The following TTLL9 variants were observed in gnomAD, a reference collection of about 807,000 sequenced individuals.
TTLL9 encodes the protein tubulin tyrosine ligase like 9, also known as probable tubulin polyglutamylase TTLL9.
TTLL9 carries 47 observed loss-of-function variants against 65.6 expected under a neutral mutation model. The ratio of observed to expected loss-of-function variants is 0.72; its 90% CI spans 0.57 to 0.91. The LOEUF (loss-of-function observed/expected upper bound fraction) is 0.91, where lower values mean the gene tolerates loss of function less well. TTLL9 is among the 40% of genes least tolerant of loss of function. TTLL9 has a pLI of 0.00. For synonymous variants in TTLL9, 179 were observed against 204.8 expected (o/e 0.87, Z 1.07); for missense variants, 537 against 568.8 (o/e 0.94, Z 0.57).
chr20:31,941,439 T>C (rs990487198), intron 14 of TTLL9, among the ~76,000 whole-genome samples: 34 of 152,178 alleles, frequency 2.2e-4, no homozygotes, highest in Admixed American at 6.5e-4. Flanking sequence ...TGGAATCACC[T>C]GGGAGCTTTA....
chr20:31,906,921 A>T (rs182846334), intron 4 of TTLL9, among the ~76,000 whole-genome samples: 1 of 152,320 alleles, frequency 6.6e-6, no homozygotes, highest in Admixed American at 6.5e-5. Flanking sequence ...AAATACTGGG[A>T]TTACAGGTGT....
chr20:31,888,701 A>C (rs1434818952), intron 3 of TTLL9, among the ~76,000 whole-genome samples: 1 of 152,118 alleles, frequency 6.6e-6, no homozygotes, highest in African/African-American at 2.4e-5. Context: ...CAGGCTGTAC[A>C]AGCATGGCAC....
chr20:31,925,406 C>T (rs2123580524), intron 9 of TTLL9, among the ~76,000 whole-genome samples: 1 of 152,308 alleles, frequency 6.6e-6, no homozygotes, highest in South Asian at 2.1e-4. Flanking sequence ...TTATTATTCT[C>T]CCTTTACAAT....
At chr20:31,942,885 A>G in intron 14 of TTLL9, 60 bp from the exon 15 acceptor site, 1 of 1,534,778 alleles carries the variant, frequency 6.5e-7, no homozygotes, top group Non-Finnish European at 9.0e-7. Context: ...GTTGGGGCAC[A>G]GGCCCCTCCA....
chr20:31,890,286 G>A (rs2063290107), intron 3 of TTLL9, among the ~76,000 whole-genome samples: 1 of 150,578 alleles, frequency 6.6e-6, no homozygotes, highest in Non-Finnish European at 1.5e-5. Context: ...GACTAGAATT[G>A]TGTCACATGG....
chr20:31,924,858 T>C, intron 8 of TTLL9, 151 bp from the exon 9 acceptor site: 2 of 830,140 alleles, frequency 2.4e-6, no homozygotes, highest in Non-Finnish European at 4.0e-6. Context: ...ATCACAGGCA[T>C]GAGGCACCGC....
chr20:31,907,275 C>T (rs892964929), intron 4 of TTLL9, among the ~76,000 whole-genome samples: 17 of 152,278 alleles, frequency 1.1e-4, no homozygotes, highest in African/African-American at 4.1e-4. Flanking sequence ...CTTCAGGTTG[C>T]ACTGAGGATC....
chr20:31,939,215 G>C lies in TTLL9; in HGVS notation c.1192G>C (p.Gly398Arg), dbSNP rs777592219. Residue 398 changes from glycine to arginine, a missense_variant, in exon 14 of 15, where the codon GGG (glycine) becomes CGG (arginine). By Grantham distance (125) the Gly-to-Arg change is moderately radical (BLOSUM62 -2). Coordinates refer to ENST00000535842, the MANE Select transcript of TTLL9 (RefSeq NM_001008409.5). ...TGATGGCCCTGTTAGCAGAGAGGAGGGGGCTCCTGACCTGTCGGGAATGGG... is the reference window on the plus strand; with the variant it reads ...TGATGGCCCTGTTAGCAGAGAGGAGCGGGCTCCTGACCTGTCGGGAATGGG... Reference protein sequence around the residue: ...WNDGPVSREEGAPDLSGMGNF... With the variant: ...WNDGPVSREERAPDLSGMGNF... 1 of 1,613,352 alleles carries C rather than the reference G, an allele frequency of 6.2e-7. No individual in the cohort carries two copies. Among genetic ancestry groups the C allele is most frequent in the Non-Finnish European group, 8.5e-7 (1 of 1,179,694 alleles).
intron 2 of TTLL9, among the ~76,000 whole-genome samples, chr20:31,881,495 T>G (rs2063117549): frequency 1.3e-5 from 2 of 152,204 alleles, no homozygotes; most frequent in Admixed American, 1.3e-4. Flanking sequence ...AAATATGTCT[T>G]GAATTTATTT....
At chr20:31,919,189 T>G (rs549310148) in intron 6 of TTLL9, among the ~76,000 whole-genome samples, 6 of 152,256 alleles carry the variant, frequency 3.9e-5, no homozygotes, top group African/African-American at 1.4e-4. Flanking sequence ...TCAACACAGG[T>G]TAGGCTGTGA....
At position 31,887,246 on chromosome 20, in the gene TTLL9, G is replaced by T. The variant is rs2063205066; in HGVS notation, c.113+7G>T. ...TGTCAAAGGGAAAAGAGCGGTGAGT[G>T]GTCCCATCCAATCCAACAATCACAG... On this transcript the variant is annotated splice_region_variant and intron_variant, in intron 3 of 14. Coordinates refer to ENST00000535842, the MANE Select transcript of TTLL9 (RefSeq NM_001008409.5). The T allele has an allele frequency of 1.2e-6, 2 of 1,614,094 alleles. No homozygotes were observed. Among genetic ancestry groups the T allele is most frequent in the Non-Finnish European group, 1.7e-6 (2 of 1,180,004 alleles).
chr20:31,897,246 A>G (rs2063400542), intron 3 of TTLL9, among the ~76,000 whole-genome samples: 1 of 152,154 alleles, frequency 6.6e-6, no homozygotes, highest in Non-Finnish European at 1.5e-5. Flanking sequence ...ATATTGGATG[A>G]GTTGTAGTAA....
chr20:31,942,036 G>A (rs987024043), intron 14 of TTLL9, among the ~76,000 whole-genome samples: 1 of 152,118 alleles, frequency 6.6e-6, no homozygotes, highest in Non-Finnish European at 1.5e-5. Flanking sequence ...GTTTAAGTTA[G>A]GGCTGCATGG....
intron 6 of TTLL9, among the ~76,000 whole-genome samples, chr20:31,914,734 G>A (rs910550012): frequency 1.3e-5 from 2 of 152,170 alleles, no homozygotes; most frequent in Admixed American, 6.5e-5. Context: ...GTTCATCAAG[G>A]CCCCTGGGAG....
At chr20:31,883,851 G>A (rs1488272312) in intron 2 of TTLL9, among the ~76,000 whole-genome samples, 2 of 152,112 alleles carry the variant, frequency 1.3e-5, no homozygotes, top group Admixed American at 6.5e-5. Context: ...AGCTGAAATA[G>A]AGAATGCATT....
At chr20:31,895,565 C>G (rs2063371967) in intron 3 of TTLL9, among the ~76,000 whole-genome samples, 2 of 152,176 alleles carry the variant, frequency 1.3e-5, no homozygotes, top group Admixed American at 1.3e-4. Flanking sequence ...GAGATGGAGT[C>G]TCACTCTGTA....
At chr20:31,881,554 A>G (rs57703077) in intron 2 of TTLL9, among the ~76,000 whole-genome samples, 2,578 of 151,466 alleles carry the variant, frequency 0.017, 65 homozygotes, top group African/African-American at 0.059. Flanking sequence ...AAACTCTCAA[A>G]TTTTAAAAAT....
chr20:31,934,706 G>T lies in TTLL9; in HGVS notation c.822G>T (p.Thr274=). 6.2e-7 allele frequency: 1 copy of T among 1,611,082 alleles called. No individual in the cohort carries two copies. The highest frequency in any genetic ancestry group is 1.1e-5 in the South Asian group (1 of 90,882). Residue 274 remains threonine (T), a synonymous_variant, in exon 12 of 15, where the codon ACG becomes ACT. Coordinates refer to ENST00000535842, the MANE Select transcript of TTLL9 (RefSeq NM_001008409.5). The part of the protein sequence containing the change: ...DYHPKKGCKW[T]LQRFRQYLAS... Reference sequence around the variant, plus strand: ...CCGGGGCCCAGGGCTGCAAGTGGACGCTGCAGCGCTTCCGGCAGTACCTGG... The same window carrying T: ...CCGGGGCCCAGGGCTGCAAGTGGACTCTGCAGCGCTTCCGGCAGTACCTGG...
chr20:31,881,602 CTTTTTTTTTT>C (rs5841092), intron 2 of TTLL9, among the ~76,000 whole-genome samples: 2 of 125,262 alleles, frequency 1.6e-5, no homozygotes, highest in Admixed American at 8.6e-5. Context: ...ACACATATAA[CTTTTTTTTTT>C]TTTTTTTTTT....
Sources: allele counts gnomAD v4.1 joint callset (sites outside exome capture counted in the v4.1 genomes callset), GRCh38; gene constraint gnomAD v4.1.1; transcripts MANE v1.5; gene names NCBI Gene and HGNC (gene_info 2026-07-23, HGNC 2026-07-21).